Variants in ASH1L observed in about 807,000 individuals in gnomAD.
The protein encoded by ASH1L is histone-lysine N-methyltransferase ASH1L.
A neutral mutation model predicts 269.0 loss-of-function variants in ASH1L; 23 were observed. The observed-to-expected ratio is 0.09, with a 90% CI of 0.06 to 0.12. The LOEUF (loss-of-function observed/expected upper bound fraction) is 0.12, where lower values mean the gene tolerates loss of function less well. Ranked by LOEUF, ASH1L falls within the 10% of genes least tolerant of loss-of-function variation. ASH1L has a pLI of 1.00. For synonymous variants in ASH1L, 1,187 were observed against 1,253.5 expected, an observed-to-expected ratio of 0.95 and a Z score of 1.12; for missense variants, 2,912 against 3,567.8, an observed-to-expected ratio of 0.82 and a Z score of 4.68.
intron 2 of ASH1L, among the ~76,000 whole-genome samples, chr1:155,494,137 A>C (rs147893722): frequency 1.3e-5 from 2 of 152,342 alleles, no homozygotes; most frequent in Admixed American, 1.3e-4. Context: ...GGCTGTCGGA[A>C]AGTTCTGATT....
chr1:155,362,759 T>C (rs1337754121), intron 12 of ASH1L, among the ~76,000 whole-genome samples: 1 of 152,178 alleles, frequency 6.6e-6, no homozygotes, highest in African/African-American at 2.4e-5. Flanking sequence ...ATGAAGTATA[T>C]ACGCCTCAGA....
rs574637051 is a variant in ASH1L at position 155,354,725 on chromosome 1, G to A, written c.7056-95C>T. On this transcript the variant is annotated intron_variant, in intron 15 of 27. Coordinates refer to ENST00000392403, the MANE Select transcript of ASH1L (RefSeq NM_018489.3). ...TGGAAGCCATTGTTAGACGATATAC[G>A]TGAATTGAGCTGTTGTAAAGAGAAT... is the stretch of plus-strand genomic sequence containing the variant. 64 of 1,211,540 alleles carry A rather than the reference G, an allele frequency of 5.3e-5. No homozygotes were observed. The East Asian group carries it at 7.5e-4, about 14-fold the overall frequency. 75.0% of individuals were successfully genotyped at this position (1,211,540 alleles called of 1,614,324 possible).
chr1:155,464,423 C>T (rs1009758270), intron 3 of ASH1L, among the ~76,000 whole-genome samples: 8 of 151,952 alleles, frequency 5.3e-5, no homozygotes, highest in Admixed American at 6.6e-5. Context: ...CGTAGACCAC[C>T]GCTGTGTCTC....
intron 2 of ASH1L, among the ~76,000 whole-genome samples, chr1:155,505,291 T>C (rs1667739757): frequency 6.6e-6 from 1 of 152,216 alleles, no homozygotes; most frequent in Non-Finnish European, 1.5e-5. Flanking sequence ...TGTCAACACC[T>C]AATTTTAAGC....
chr1:155,541,494 C>T (rs1275751981), intron 1 of ASH1L, among the ~76,000 whole-genome samples: 4 of 151,890 alleles, frequency 2.6e-5, no homozygotes, highest in African/African-American at 7.2e-5. Flanking sequence ...TCACTAAAAT[C>T]ACAAAAAAAT....
intron 1 of ASH1L, among the ~76,000 whole-genome samples, chr1:155,561,120 A>G (rs926866252): frequency 5.3e-4 from 81 of 151,914 alleles, no homozygotes; most frequent in South Asian, 3.1e-3. Flanking sequence ...TTATGCCTAA[A>G]TTTCCTATTT....
intron 2 of ASH1L, among the ~76,000 whole-genome samples, chr1:155,510,411 CAAAAAA>C: frequency 2.4e-5 from 1 of 40,948 alleles, no homozygotes; most frequent in African/African-American, 6.7e-5. Flanking sequence ...AAGGCTGCCT[CAAAAAA>C]AAAAAAAAAA....
intron 6 of ASH1L, among the ~76,000 whole-genome samples, chr1:155,405,926 A>C (rs1449029412): frequency 2.0e-5 from 3 of 151,956 alleles, no homozygotes; most frequent in East Asian, 3.9e-4. Context: ...AAACTTGGCC[A>C]GGTGCTGTAG....
chr1:155,500,790 G>A (rs1437488947), intron 2 of ASH1L, among the ~76,000 whole-genome samples: 3 of 152,070 alleles, frequency 2.0e-5, no homozygotes, highest in Admixed American at 6.6e-5. Context: ...TCAACATGGC[G>A]AAACCCTGTC....
intron 2 of ASH1L, among the ~76,000 whole-genome samples, chr1:155,490,631 C>CAT (rs1256615777): frequency 6.6e-6 from 1 of 150,478 alleles, no homozygotes; most frequent in Non-Finnish European, 1.5e-5. Flanking sequence ...CACACACACA[C>CAT]ACACACACAC....
At chr1:155,451,350 A>C (rs1371269955) in intron 4 of ASH1L, among the ~76,000 whole-genome samples, 1 of 152,200 alleles carries the variant, frequency 6.6e-6, no homozygotes, top group African/African-American at 2.4e-5. Flanking sequence ...GGGGAATATG[A>C]AGTTCTTATT....
chr1:155,350,988 A>C (rs2148348930), intron 17 of ASH1L, among the ~76,000 whole-genome samples: 1 of 152,024 alleles, frequency 6.6e-6, no homozygotes, highest in East Asian at 1.9e-4. Context: ...CTATAATCCC[A>C]GCACTTTGGG....
intron 3 of ASH1L, among the ~76,000 whole-genome samples, chr1:155,460,336 G>A (rs984011616): frequency 6.6e-6 from 1 of 152,180 alleles, no homozygotes; most frequent in Non-Finnish European, 1.5e-5. Context: ...AGGGCCCAGC[G>A]CAGTGGCTCA....
intron 6 of ASH1L, among the ~76,000 whole-genome samples, chr1:155,405,477 G>A (rs1659202478): frequency 6.6e-6 from 1 of 152,060 alleles, no homozygotes; most frequent in South Asian, 2.1e-4. Context: ...GTGAGACTCA[G>A]TCTCATTAAA....
In ASH1L at chr1:155,343,717, A is replaced by G. The variant is rs774608059; in HGVS notation, c.8007T>C (p.Asp2669=). 2.5e-6 allele frequency: 4 copies of G among 1,614,196 alleles called. No individual in the cohort carries two copies. The East Asian group carries it at 8.9e-5, about 36-fold the overall frequency. The change falls in exon 23 of 28, where the codon GAT becomes GAC. Residue 2669 remains aspartate (D), a synonymous_variant. Transcript: ENST00000392403. This position sits in a 1 kb window ranked among gnomAD's most constrained non-coding sequence, Gnocchi z 6.1. ...GGTGGCCATCAGGGGTGCGCCGACT[A>G]TCCCTCATCAGATACACACAGTCAC... ...RQGDCVYLMR[D]SRRTPDGHPV...
chr1:155,450,779 C>T (rs1389143582), intron 4 of ASH1L, among the ~76,000 whole-genome samples: 4 of 152,040 alleles, frequency 2.6e-5, no homozygotes, highest in African/African-American at 4.8e-5. Context: ...TCACAAATGG[C>T]CAAGGTTGGT....
intron 5 of ASH1L, chr1:155,433,869 G>C (rs1181997912): frequency 2.5e-6 from 4 of 1,604,084 alleles, no homozygotes; most frequent in Non-Finnish European, 2.6e-6. Flanking sequence ...TTGCAGGCTC[G>C]AAAGAGAAAG....
chr1:155,540,255 T>C (rs911599209), intron 1 of ASH1L, among the ~76,000 whole-genome samples: 1 of 152,170 alleles, frequency 6.6e-6, no homozygotes, highest in African/African-American at 2.4e-5. Context: ...AGTCCTGCTA[T>C]ATTAATTTTG....
chr1:155,416,180 G>T (rs562351031), intron 5 of ASH1L, among the ~76,000 whole-genome samples: 11 of 151,934 alleles, frequency 7.2e-5, no homozygotes, highest in African/African-American at 2.4e-4. Context: ...ACCCAGGCTG[G>T]AGTGCAGGGG....
Sources: allele counts gnomAD v4.1 joint callset (sites outside exome capture counted in the v4.1 genomes callset), GRCh38; gene constraint gnomAD v4.1.1; non-coding constraint Gnocchi (gnomAD v3.1); transcripts MANE v1.5; gene names NCBI Gene and HGNC (gene_info 2026-07-23, HGNC 2026-07-21).